The following CEP135 variants were observed in gnomAD, a reference collection of about 807,000 sequenced individuals.
CEP135 encodes centrosomal protein of 135 kDa.
In CEP135, 142 loss-of-function variants were observed where a neutral mutation model predicts 157.3. The observed-to-expected ratio is 0.90, with a 90% CI of 0.79 to 1.04. The LOEUF (loss-of-function observed/expected upper bound fraction) is 1.04. Among genes scored for constraint, CEP135 ranks in the 50% least tolerant of loss-of-function variants. The probability of loss-of-function intolerance (pLI) is 0.00; values close to 1 mark genes in which losing one functional copy is unlikely to be tolerated. For missense variants in CEP135, 1,317 were observed against 1,309.2 expected, an observed-to-expected ratio of 1.01 and a Z score of -0.09; for synonymous variants, 396 against 439.8, an observed-to-expected ratio of 0.90 and a Z score of 1.25.
At chr4:56,015,138 T>G (rs926319068) in intron 21 of CEP135, among the ~76,000 whole-genome samples, 1 of 152,182 alleles carries the variant, frequency 6.6e-6, no homozygotes. Flanking sequence ...AGAAAACCTC[T>G]TGGTGAAGAG....
At chr4:56,020,031 A>G (rs980222132) in intron 23 of CEP135, among the ~76,000 whole-genome samples, 1 of 152,328 alleles carries the variant, frequency 6.6e-6, no homozygotes, top group East Asian at 1.9e-4. Context: ...GCAGACCTGT[A>G]TATCTTCACT....
At chr4:56,031,130 T>C (rs1160803756) in intron 25 of CEP135, among the ~76,000 whole-genome samples, 1 of 150,972 alleles carries the variant, frequency 6.6e-6, no homozygotes, top group Non-Finnish European at 1.5e-5. Context: ...AGACCCTATC[T>C]CTAAATAAAT....
chr4:55,999,073 A>G (rs890700974), intron 15 of CEP135, among the ~76,000 whole-genome samples: 1 of 152,206 alleles, frequency 6.6e-6, no homozygotes, highest in Admixed American at 6.5e-5. Context: ...AATTAATTTG[A>G]TTTTTATACT....
intron 9 of CEP135, among the ~76,000 whole-genome samples, chr4:55,969,930 T>A (rs1256181597): frequency 6.6e-6 from 1 of 152,058 alleles, no homozygotes; most frequent in African/African-American, 2.4e-5. Flanking sequence ...TGGAGTGTAA[T>A]GGCATGATCA....
intron 5 of CEP135, among the ~76,000 whole-genome samples, chr4:55,959,010 T>C (rs1728594107): frequency 6.6e-6 from 1 of 151,982 alleles, no homozygotes; most frequent in Non-Finnish European, 1.5e-5. Flanking sequence ...GATGGAGCTG[T>C]GGAGGTTGAG....
At chr4:55,959,913 T>A (rs1182691692) in intron 6 of CEP135, 147 bp downstream of exon 6, 1 of 714,768 alleles carries the variant, frequency 1.4e-6, no homozygotes, top group Non-Finnish European at 2.4e-6. Flanking sequence ...AGTTAATAGC[T>A]GGAATGGCTT....
chr4:56,001,018 T>G (rs1222879990), intron 17 of CEP135, among the ~76,000 whole-genome samples: 1 of 152,190 alleles, frequency 6.6e-6, no homozygotes, highest in Non-Finnish European at 1.5e-5. Context: ...TGTTGAGCAT[T>G]TTTTCACATG....
At chr4:56,023,667 C>T (rs1032352809) in intron 24 of CEP135, among the ~76,000 whole-genome samples, 1 of 139,182 alleles carries the variant, frequency 7.2e-6, no homozygotes, top group Non-Finnish European at 1.5e-5. Flanking sequence ...ATATAATATA[C>T]TAATATAATA....
intron 15 of CEP135, among the ~76,000 whole-genome samples, chr4:55,996,907 G>A (rs141563835): frequency 2.2e-3 from 329 of 152,218 alleles, no homozygotes; most frequent in African/African-American, 7.4e-3. Flanking sequence ...ATCATGTGTA[G>A]CTCCATGTAA....
chr4:55,992,567 T>G (rs931999115), intron 15 of CEP135, among the ~76,000 whole-genome samples: 1 of 152,174 alleles, frequency 6.6e-6, no homozygotes, highest in African/African-American at 2.4e-5. Flanking sequence ...AGGTAAGACA[T>G]ATCAATAGTG....
rs1400107115 is a variant in CEP135 at position 55,957,240 on chromosome 4, A to T, written c.490A>T (p.Ile164Phe). The T allele has an allele frequency of 6.2e-7, 1 of 1,613,648 alleles. No homozygotes were observed. The highest frequency in any genetic ancestry group is 2.2e-5 in the East Asian group (1 of 44,876). ...CTTTTTAGGTGGCAAGAAAAGAAGT[A>T]TTGCTTTCAGGCGCCAGCGTATGCA... ...VQTPGGKKRS[I>F]AFRRQRMQID... Residue 164 changes from isoleucine (I) to phenylalanine (F), a missense_variant, in exon 5 of 26, where the codon ATT becomes TTT. Coordinates refer to ENST00000257287, the MANE Select transcript of CEP135 (RefSeq NM_025009.5).
chr4:56,032,185 C>T lies in CEP135; in HGVS notation c.*837C>T, dbSNP rs561840350. On this transcript the variant is annotated 3_prime_UTR_variant, in exon 26 of 26. Transcript: ENST00000257287. Reference sequence around the variant, plus strand: ...GTAGGCCGGGTGCAGTGGCTCACGCCTGTAATCCCAGCACTTTGGGAGGCC... The same window carrying T: ...GTAGGCCGGGTGCAGTGGCTCACGCTTGTAATCCCAGCACTTTGGGAGGCC... 86 of 152,404 alleles carry T rather than the reference C, an allele frequency of 5.6e-4. No individual in the cohort carries two copies. Among genetic ancestry groups the T allele is most frequent in the African/African-American group, 1.9e-3 (81 of 41,570 alleles). The allele number at this position is 152,404 out of a possible 1,614,324, so 9.4% of individuals were successfully genotyped here.
intron 13 of CEP135, among the ~76,000 whole-genome samples, chr4:55,982,279 T>C (rs1729438007): frequency 6.6e-6 from 1 of 152,230 alleles, no homozygotes; most frequent in Non-Finnish European, 1.5e-5. Context: ...TGCTAGGAAC[T>C]TGTATACAAC....
chr4:55,958,423 A>G (rs1373767751), intron 5 of CEP135, among the ~76,000 whole-genome samples: 1 of 152,188 alleles, frequency 6.6e-6, no homozygotes, highest in Non-Finnish European at 1.5e-5. Flanking sequence ...ACACAGAGCA[A>G]GACCCTTTGA....
intron 24 of CEP135, among the ~76,000 whole-genome samples, chr4:56,023,841 CATATA>C (rs547732044): frequency 1.3e-3 from 177 of 136,862 alleles, no homozygotes; most frequent in African/African-American, 4.2e-3. Flanking sequence ...CATATATAGA[CATATA>C]ATATATAGTA....
At chr4:55,985,942 A>T (rs1048601649) in intron 14 of CEP135, among the ~76,000 whole-genome samples, 2 of 152,064 alleles carry the variant, frequency 1.3e-5, no homozygotes, top group African/African-American at 4.8e-5. Flanking sequence ...TACAACTCCA[A>T]AAAAAATCAC....
At chr4:55,958,227 G>T (rs140811704) in intron 5 of CEP135, among the ~76,000 whole-genome samples, 1 of 152,296 alleles carries the variant, frequency 6.6e-6, no homozygotes, top group Non-Finnish European at 1.5e-5. Context: ...TTGAACCCAT[G>T]AATTCAAGAC....
chr4:56,015,801 T>C (rs1730752721), intron 21 of CEP135, among the ~76,000 whole-genome samples: 1 of 152,170 alleles, frequency 6.6e-6, no homozygotes, highest in Admixed American at 6.5e-5. Context: ...ATTCAGATGA[T>C]GCTTAGATGA....
chr4:55,979,715 C>T (rs1299011784), intron 11 of CEP135, among the ~76,000 whole-genome samples: 1 of 152,174 alleles, frequency 6.6e-6, no homozygotes, highest in Non-Finnish European at 1.5e-5. Flanking sequence ...TGATAAAATA[C>T]AGTTACTTGG....
Sources: allele counts gnomAD v4.1 joint callset (sites outside exome capture counted in the v4.1 genomes callset), GRCh38; gene constraint gnomAD v4.1.1; transcripts MANE v1.5; gene names NCBI Gene and HGNC (gene_info 2026-07-23, HGNC 2026-07-21).